The following PTPRM variants were observed in gnomAD, a reference collection of about 807,000 sequenced individuals.
The protein encoded by PTPRM is receptor-type tyrosine-protein phosphatase mu.
A neutral mutation model predicts 186.7 loss-of-function variants in PTPRM; 47 were observed. The observed-to-expected ratio is 0.25, with a 90% CI of 0.20 to 0.32. The LOEUF is 0.32. PTPRM is among the 10% of genes least tolerant of loss of function. The pLI is 1.00. For missense variants in PTPRM, 1,494 were observed against 1,865.0 expected (o/e 0.80, Z 3.66); for synonymous variants, 668 against 674.9 (o/e 0.99, Z 0.16).
At chr18:7,840,805 C>G (rs2046284790) in intron 2 of PTPRM, among the ~76,000 whole-genome samples, 1 of 152,210 alleles carries the variant, frequency 6.6e-6, no homozygotes, top group African/African-American at 2.4e-5. Flanking sequence ...GAAGCTGCTA[C>G]TATTTTGCTT....
At chr18:7,830,723 C>T (rs1335102893) in intron 2 of PTPRM, among the ~76,000 whole-genome samples, 1 of 152,188 alleles carries the variant, frequency 6.6e-6, no homozygotes, top group South Asian at 2.1e-4. Context: ...AGCTGCCAAT[C>T]ATCCTGTCTA....
intron 1 of PTPRM, among the ~76,000 whole-genome samples, chr18:7,592,468 C>G (rs76426129): frequency 6.6e-6 from 1 of 152,204 alleles, no homozygotes; most frequent in Non-Finnish European, 1.5e-5. Context: ...CTCTGCCACT[C>G]TCTCAGGACT....
At chr18:8,354,323 T>A (rs2148345049) in intron 23 of PTPRM, among the ~76,000 whole-genome samples, 1 of 151,792 alleles carries the variant, frequency 6.6e-6, no homozygotes, top group South Asian at 2.1e-4. Flanking sequence ...CTGGAGAATA[T>A]CTGTTTCTGG....
At chr18:7,631,433 G>A (rs1001955094) in intron 1 of PTPRM, among the ~76,000 whole-genome samples, 2 of 147,680 alleles carry the variant, frequency 1.4e-5, no homozygotes, top group African/African-American at 5.0e-5. Flanking sequence ...ACACATTTAC[G>A]TTCAGAACTA....
In PTPRM at chr18:8,324,712, G is replaced by T. The variant is rs141957627; in HGVS notation, c.2956+5498G>T. The stretch of plus-strand genomic sequence containing the variant: ...TCATTTCATCTTTACCACAAATATG[G>T]GAGATATATGGGATTGTCCCCAATT... On this transcript the variant is annotated intron_variant, in intron 22 of 32. Coordinates refer to ENST00000580170, the MANE Select transcript of PTPRM (RefSeq NM_001105244.2). Among the ~76,000 whole-genome samples the T allele has an allele frequency of 4.9e-4, 75 of 152,246 alleles. 1 individual carries two copies. Among genetic ancestry groups the T allele is most frequent in the Middle Eastern group, 3.4e-3 (1 of 294 alleles).
chr18:8,393,181 A>G (rs2095825881), intron 31 of PTPRM, among the ~76,000 whole-genome samples: 1 of 152,236 alleles, frequency 6.6e-6, no homozygotes, highest in African/African-American at 2.4e-5. Context: ...CAAGTGAGCA[A>G]GTTAACATCA....
intron 1 of PTPRM, among the ~76,000 whole-genome samples, chr18:7,679,574 A>G (rs1021479714): frequency 2.0e-5 from 3 of 152,216 alleles, no homozygotes; most frequent in Non-Finnish European, 4.4e-5. Flanking sequence ...CCGAGGCACG[A>G]GAATCACTTG....
At chr18:7,590,585 C>T (rs1460640544) in intron 1 of PTPRM, among the ~76,000 whole-genome samples, 1 of 152,042 alleles carries the variant, frequency 6.6e-6, no homozygotes, top group Non-Finnish European at 1.5e-5. Context: ...CCTAAATATC[C>T]GACAATAGAG....
chr18:7,907,536 G>A (rs1036840937), intron 4 of PTPRM, among the ~76,000 whole-genome samples: 4 of 152,196 alleles, frequency 2.6e-5, no homozygotes, highest in Non-Finnish European at 5.9e-5. Context: ...CCCTTGCCTA[G>A]ACATTCTGCG....
chr18:7,993,078 G>C (rs985948955), intron 7 of PTPRM, among the ~76,000 whole-genome samples: 17 of 151,782 alleles, frequency 1.1e-4, no homozygotes, highest in African/African-American at 3.9e-4. Flanking sequence ...TTTAATGAAT[G>C]AAATAACAAT....
chr18:7,833,352 A>T (rs2045856634), intron 2 of PTPRM, among the ~76,000 whole-genome samples: 1 of 152,120 alleles, frequency 6.6e-6, no homozygotes, highest in Admixed American at 6.6e-5. Flanking sequence ...GTTAATTCCT[A>T]GGTATTTAAT....
At chr18:8,242,534 A>G (rs34816086) in intron 14 of PTPRM, among the ~76,000 whole-genome samples, 58,569 of 152,010 alleles carry the variant, frequency 0.39, 12,192 homozygotes, top group Middle Eastern at 0.54. Flanking sequence ...GGGTGGTGTC[A>G]GTGCCCAGAG....
intron 2 of PTPRM, among the ~76,000 whole-genome samples, chr18:7,784,394 G>A (rs142373612): frequency 0.012 from 1,779 of 152,138 alleles, 38 homozygotes; most frequent in African/African-American, 0.041. Context: ...CCCAGCTGCT[G>A]AAGCTGCCTG....
At chr18:7,789,541 A>G (rs1311710579) in intron 2 of PTPRM, among the ~76,000 whole-genome samples, 2 of 152,152 alleles carry the variant, frequency 1.3e-5, no homozygotes, top group Middle Eastern at 3.4e-3. Flanking sequence ...CTAATTGGCT[A>G]CCCATTATGG....
intron 6 of PTPRM, among the ~76,000 whole-genome samples, chr18:7,953,505 C>T (rs1257880211): frequency 6.6e-6 from 1 of 152,094 alleles, no homozygotes; most frequent in East Asian, 1.9e-4. Flanking sequence ...TTATAAACAA[C>T]AGGAACAATA....
chr18:7,931,027 A>G (rs1355773268), intron 5 of PTPRM, among the ~76,000 whole-genome samples: 1 of 152,006 alleles, frequency 6.6e-6, no homozygotes, highest in Non-Finnish European at 1.5e-5. Context: ...CAGCTACAAA[A>G]TACTTTAAAA....
intron 2 of PTPRM, among the ~76,000 whole-genome samples, chr18:7,777,977 C>T (rs2042673612): frequency 6.6e-6 from 1 of 152,076 alleles, no homozygotes; most frequent in African/African-American, 2.4e-5. Flanking sequence ...GGGAAGACCC[C>T]ATCTTTATAA....
chr18:8,023,537 C>G (rs1198545694), intron 7 of PTPRM, among the ~76,000 whole-genome samples: 1 of 152,100 alleles, frequency 6.6e-6, no homozygotes, highest in Non-Finnish European at 1.5e-5. Flanking sequence ...ATCTCAAGAA[C>G]TTACTAAACT....
chr18:8,378,323 C>T lies in PTPRM; in HGVS notation c.3521C>T (p.Ser1174Phe). 1 of 1,612,998 alleles carries T rather than the reference C, an allele frequency of 6.2e-7. No individual in the cohort carries two copies. Among genetic ancestry groups the T allele is most frequent in the Non-Finnish European group, 8.5e-7 (1 of 1,178,950 alleles). Residue 1174 changes from serine to phenylalanine, a missense_variant, in exon 27 of 33, where the codon TCT (serine) becomes TTT (phenylalanine). Transcript: ENST00000580170. ...ILEACLCGDT[S>F]VPASQVRSLY... Reference sequence around the variant, plus strand: ...GAAGCCTGTCTTTGTGGGGACACCTCTGTGCCTGCTTCCCAAGTTAGGTCT... The same window carrying T: ...GAAGCCTGTCTTTGTGGGGACACCTTTGTGCCTGCTTCCCAAGTTAGGTCT...
Sources: gnomAD v4.1 joint callset for allele counts (sites outside exome capture counted in the v4.1 genomes callset) on GRCh38, gnomAD v4.1.1 for gene constraint, MANE v1.5 for transcripts, NCBI Gene and HGNC (gene_info 2026-07-23, HGNC 2026-07-21) for gene names.